Variants in TMPRSS15 observed in about 807,000 individuals in gnomAD.
The protein encoded by TMPRSS15 is enteropeptidase.
In TMPRSS15, 128 loss-of-function variants were observed where a neutral mutation model predicts 125.3. The ratio of observed to expected loss-of-function variants is 1.02; its 90% confidence interval spans 0.89 to 1.18. The LOEUF is 1.18. Among genes scored for constraint, TMPRSS15 ranks in the 50% most tolerant of loss-of-function variants. The pLI is 0.00. For missense variants in TMPRSS15, 1,283 were observed against 1,212.7 expected (o/e 1.06, Z -0.86); for synonymous variants, 446 against 423.2 (o/e 1.05, Z -0.66).
chr21:18,402,262 T>C (rs972263263), intron 1 of TMPRSS15, among the ~76,000 whole-genome samples: 5 of 152,160 alleles, frequency 3.3e-5, no homozygotes, highest in Non-Finnish European at 7.3e-5. Flanking sequence ...AAAGATACGG[T>C]GGCTCATGCC....
chr21:18,328,754 A>AAAAATAACT (rs1569011543), intron 15 of TMPRSS15, among the ~76,000 whole-genome samples: 1 of 152,136 alleles, frequency 6.6e-6, no homozygotes, highest in Admixed American at 6.6e-5. Flanking sequence ...CTGCATATTT[A>AAAAATAACT]AAAATAACTA....
chr21:18,485,156 C>T (rs1192121350), intron 1 of TMPRSS15, among the ~76,000 whole-genome samples: 1 of 151,728 alleles, frequency 6.6e-6, no homozygotes, highest in Non-Finnish European at 1.5e-5. Flanking sequence ...ACTCTAATGT[C>T]TTTGTAATTG....
chr21:18,450,133 T>C (rs1174000426), intron 1 of TMPRSS15, among the ~76,000 whole-genome samples: 1 of 152,206 alleles, frequency 6.6e-6, no homozygotes, highest in East Asian at 1.9e-4. Context: ...TCATTCAATG[T>C]ACATTTTTGC....
intron 1 of TMPRSS15, among the ~76,000 whole-genome samples, chr21:18,416,911 T>C (rs776195470): frequency 1.1e-4 from 16 of 152,112 alleles, no homozygotes; most frequent in Non-Finnish European, 1.9e-4. Context: ...GTAAAGCTGA[T>C]ACATACCAGA....
intron 13 of TMPRSS15, among the ~76,000 whole-genome samples, chr21:18,336,084 C>T (rs2075389788): frequency 6.6e-6 from 1 of 151,866 alleles, no homozygotes; most frequent in Non-Finnish European, 1.5e-5. Context: ...TAGATATTTT[C>T]CTTGATGCAT....
Position 18,279,023 on chromosome 21 carries a change from T to G in TMPRSS15, c.2705A>C (p.Gln902Pro). The change falls in exon 23 of 25, where the codon CAA becomes CCA. Residue 902 changes from glutamine to proline, a missense_variant. Transcript: ENST00000284885. ...ACAATTTCTTCCTGGAGGAAAAACT[T>G]GATTTTCTTCCGGTAAACAAATAGG... ...IQPICLPEEN[Q>P]VFPPGRNCSI... is the part of the protein sequence containing the mutation. 1.3e-6 allele frequency: 2 copies of G among 1,599,978 alleles called. No homozygotes were observed. Among genetic ancestry groups the G allele is most frequent in the Non-Finnish European group, 1.7e-6 (2 of 1,171,062 alleles).
chr21:18,449,638 A>T (rs1207080201), intron 1 of TMPRSS15, among the ~76,000 whole-genome samples: 4 of 152,126 alleles, frequency 2.6e-5, no homozygotes, highest in Non-Finnish European at 4.4e-5. Context: ...TACAGTGTTT[A>T]GACGAGACCC....
At chr21:18,356,122 C>T (rs1205707576) in intron 8 of TMPRSS15, among the ~76,000 whole-genome samples, 4 of 151,834 alleles carry the variant, frequency 2.6e-5, no homozygotes, top group East Asian at 1.9e-4. Flanking sequence ...ACTGATCAAG[C>T]AGTCACTCTT....
intron 19 of TMPRSS15, among the ~76,000 whole-genome samples, chr21:18,294,965 T>C (rs1345887681): frequency 5.3e-5 from 8 of 152,174 alleles, no homozygotes; most frequent in Non-Finnish European, 1.2e-4. Flanking sequence ...AAAAGCAATA[T>C]TTGCAATAAA....
intron 1 of TMPRSS15, among the ~76,000 whole-genome samples, chr21:18,474,511 A>G (rs1978841046): frequency 6.6e-6 from 1 of 152,032 alleles, no homozygotes; most frequent in South Asian, 2.1e-4. Context: ...GCTGGTCTCA[A>G]ACTCCTGACC....
At chr21:18,293,002 G>A (rs2074856907) in intron 21 of TMPRSS15, among the ~76,000 whole-genome samples, 1 of 152,170 alleles carries the variant, frequency 6.6e-6, no homozygotes, top group African/African-American at 2.4e-5. Flanking sequence ...AGATGTAGAT[G>A]GGATGGTGCT....
intron 21 of TMPRSS15, among the ~76,000 whole-genome samples, chr21:18,286,274 T>C (rs1246028377): frequency 6.6e-6 from 1 of 151,954 alleles, no homozygotes; most frequent in Non-Finnish European, 1.5e-5. Flanking sequence ...TTCTCTTTTA[T>C]ATCTACACTG....
intron 1 of TMPRSS15, among the ~76,000 whole-genome samples, chr21:18,443,079 T>C (rs1011440168): frequency 1.1e-4 from 17 of 152,178 alleles, no homozygotes; most frequent in Non-Finnish European, 2.4e-4. Flanking sequence ...TTTGCATGTG[T>C]ATATTTACAA....
chr21:18,430,891 A>G (rs992073287), intron 1 of TMPRSS15, among the ~76,000 whole-genome samples: 6 of 152,160 alleles, frequency 3.9e-5, no homozygotes, highest in Non-Finnish European at 8.8e-5. Flanking sequence ...TTGGTCTTAA[A>G]AGACATTCTT....
At chr21:18,398,525 GA>G (rs1166911686) in intron 1 of TMPRSS15, among the ~76,000 whole-genome samples, 196 bp from the exon 2 acceptor site, 1 of 152,032 alleles carries the variant, frequency 6.6e-6, no homozygotes, top group African/African-American at 2.4e-5. Context: ...TAAAAGATTG[GA>G]AACTAAACCT....
intron 15 of TMPRSS15, among the ~76,000 whole-genome samples, chr21:18,327,288 G>T (rs553468098): frequency 6.6e-6 from 1 of 152,040 alleles, no homozygotes; most frequent in Non-Finnish European, 1.5e-5. Flanking sequence ...GAAATGATAC[G>T]TTTTAATTTT....
chr21:18,301,261 C>T (rs1383141466), intron 18 of TMPRSS15, among the ~76,000 whole-genome samples: 1 of 152,132 alleles, frequency 6.6e-6, no homozygotes, highest in Non-Finnish European at 1.5e-5. Context: ...ATTTCAAATC[C>T]TGTCAAGTCA....
chr21:18,415,019 C>T (rs535914326), intron 1 of TMPRSS15, among the ~76,000 whole-genome samples: 3 of 152,062 alleles, frequency 2.0e-5, no homozygotes, highest in South Asian at 4.2e-4. Context: ...TCTTGCTAGC[C>T]CTTATCTGTT....
In TMPRSS15 at chr21:18,379,305, G is replaced by A; in HGVS notation, c.510C>T (p.Thr170=). Residue 170 remains threonine, a synonymous_variant, in exon 5 of 25, where the codon ACC becomes ACT. Coordinates refer to ENST00000284885, the MANE Select transcript of TMPRSS15 (RefSeq NM_002772.3). Reference sequence around the variant, plus strand: ...GACCTGGAGTTGCCAGATGACTGGTGGTTGTTAGCTTGTCTGAAAAATAAA... The same window carrying A: ...GACCTGGAGTTGCCAGATGACTGGTAGTTGTTAGCTTGTCTGAAAAATAAA... ...NSVDILDKLT[T]TSHLATPGNV... The A allele has an allele frequency of 7.5e-7, 1 of 1,331,390 alleles. No homozygotes were observed. Among genetic ancestry groups the A allele is most frequent in the African/African-American group, 1.5e-5 (1 of 66,918 alleles). The allele number at this position is 1,331,390 out of a possible 1,614,324, so 82.5% of individuals were successfully genotyped here.
Sources: gnomAD v4.1 joint callset for allele counts (sites outside exome capture counted in the v4.1 genomes callset) on GRCh38, gnomAD v4.1.1 for gene constraint, MANE v1.5 for transcripts, NCBI Gene and HGNC (gene_info 2026-07-23, HGNC 2026-07-21) for gene names.